ADAM10: variants seen among roughly 807,000 people sequenced by gnomAD.
ADAM10 encodes the protein disintegrin and metalloproteinase domain-containing protein 10.
ADAM10 carries 17 observed loss-of-function variants against 90.1 expected under a neutral mutation model. That is an observed-to-expected ratio of 0.19 (90% CI 0.13 to 0.28). The LOEUF is 0.28. ADAM10 is among the 10% of genes least tolerant of loss of function. The probability of loss-of-function intolerance (pLI) is 1.00; values close to 1 mark genes in which losing one functional copy is unlikely to be tolerated. For synonymous variants in ADAM10, 310 were observed against 298.6 expected (o/e 1.04, Z -0.40); for missense variants, 610 against 914.3 (o/e 0.67, Z 4.29).
intron 14 of ADAM10, among the ~76,000 whole-genome samples, chr15:58,604,957 C>T (rs1231310140): frequency 6.6e-6 from 1 of 152,158 alleles, no homozygotes; most frequent in Admixed American, 6.5e-5. Context: ...CCAGGTTGGT[C>T]TTCAACTGCT....
intron 2 of ADAM10, chr15:58,703,852 G>C (rs556062640): frequency 6.5e-6 from 1 of 152,896 alleles, no homozygotes; most frequent in South Asian, 2.0e-4. Flanking sequence ...CTCCTGTACA[G>C]CCTGCAGAAC....
chr15:58,712,741 G>T (rs1461546009), intron 2 of ADAM10, among the ~76,000 whole-genome samples: 1 of 152,064 alleles, frequency 6.6e-6, no homozygotes, highest in Non-Finnish European at 1.5e-5. Flanking sequence ...CAGGACAATG[G>T]CATGAACCCA....
chr15:58,653,329 T>C (rs1896733698), intron 5 of ADAM10, among the ~76,000 whole-genome samples: 3 of 152,200 alleles, frequency 2.0e-5, no homozygotes, highest in Admixed American at 2.0e-4. Context: ...GTTTTGCCCA[T>C]TCAGTATGAT....
intron 5 of ADAM10, among the ~76,000 whole-genome samples, chr15:58,653,177 CTTCT>C (rs1164045551): frequency 2.6e-5 from 4 of 152,244 alleles, no homozygotes; most frequent in South Asian, 2.1e-4. Flanking sequence ...GATATTTTGA[CTTCT>C]TTGTTTCCAA....
At chr15:58,740,261 T>C (rs1284475430) in intron 1 of ADAM10, among the ~76,000 whole-genome samples, 1 of 151,810 alleles carries the variant, frequency 6.6e-6, no homozygotes, top group African/African-American at 2.4e-5. Context: ...AATACAAAAA[T>C]GAGAAGGGCC....
chr15:58,655,727 A>T (rs1485081765), intron 5 of ADAM10, among the ~76,000 whole-genome samples: 4 of 99,840 alleles, frequency 4.0e-5, no homozygotes, highest in African/African-American at 1.5e-4. Flanking sequence ...ATATATATAT[A>T]TATATATATA....
At chr15:58,734,533 C>G (rs1031575110) in intron 1 of ADAM10, among the ~76,000 whole-genome samples, 1 of 152,002 alleles carries the variant, frequency 6.6e-6, no homozygotes, top group Non-Finnish European at 1.5e-5. Flanking sequence ...AACGCCATCT[C>G]TACAACAAAT....
rs944729335 is a variant in ADAM10, at chr15:58,600,376, T to A, written c.2026-652A>T. 3.9e-5 allele frequency among the ~76,000 whole-genome samples: 6 copies of A among 152,348 alleles called. No homozygotes were observed. The East Asian group carries it at 1.2e-3, about 29-fold the overall frequency. ...CTACATTGCTTTCTAATTATCAAAG[T>A]TAAGACTGAAATTCTATCTCTTTGA... On this transcript the variant is annotated intron_variant, in intron 14 of 15. Coordinates refer to ENST00000260408, the MANE Select transcript of ADAM10 (RefSeq NM_001110.4).
chr15:58,645,303 C>T (rs1194291001), intron 6 of ADAM10, among the ~76,000 whole-genome samples: 1 of 152,154 alleles, frequency 6.6e-6, no homozygotes, highest in Non-Finnish European at 1.5e-5. Flanking sequence ...TACCTTATTA[C>T]TATTATGTTT....
chr15:58,603,753 C>A (rs1005923238), intron 14 of ADAM10, among the ~76,000 whole-genome samples: 3 of 151,484 alleles, frequency 2.0e-5, no homozygotes, highest in African/African-American at 4.9e-5. Context: ...CTTGAGCACA[C>A]GATAAAGTAC....
intron 2 of ADAM10, among the ~76,000 whole-genome samples, chr15:58,683,000 CA>C (rs1897482005): frequency 6.6e-6 from 1 of 152,092 alleles, no homozygotes; most frequent in Non-Finnish European, 1.5e-5. Context: ...GAATTGGAAT[CA>C]AATCTTAAGC....
In ADAM10 at chr15:58,649,754, A is replaced by T. The variant is rs1479954708; in HGVS notation, c.586-3550T>A. 2.6e-5 allele frequency among the ~76,000 whole-genome samples: 4 copies of T among 152,280 alleles called. No homozygotes were observed. In the East Asian group the frequency reaches 7.7e-4, roughly 29 times the overall value. ...TTTCGGACTTCTCAAATAATGTGCT[A>T]TGGTATTGTTTTCAGTGTAAAGCAT... On this transcript the variant is annotated intron_variant, in intron 5 of 15. Coordinates refer to ENST00000260408, the MANE Select transcript of ADAM10 (RefSeq NM_001110.4).
At chr15:58,679,789 G>A (rs1325871539) in intron 3 of ADAM10, among the ~76,000 whole-genome samples, 1 of 152,066 alleles carries the variant, frequency 6.6e-6, no homozygotes, top group East Asian at 1.9e-4. Flanking sequence ...ATGTCTGTAA[G>A]TCCAGCTACT....
At chr15:58,698,221 C>G (rs529043887) in intron 2 of ADAM10, 1 of 411,202 alleles carries the variant, frequency 2.4e-6, no homozygotes, top group Non-Finnish European at 4.7e-6. Flanking sequence ...AAGTGAGGTA[C>G]AATATACAGA....
intron 11 of ADAM10, among the ~76,000 whole-genome samples, chr15:58,615,736 C>T (rs1296425968): frequency 6.6e-6 from 1 of 152,074 alleles, no homozygotes. Flanking sequence ...GGGCCAGGCA[C>T]AGTGGCTCAT....
chr15:58,599,237 GC>G (rs1216185533), intron 15 of ADAM10, among the ~76,000 whole-genome samples: 1 of 150,806 alleles, frequency 6.6e-6, no homozygotes, highest in East Asian at 1.9e-4. Context: ...AATATGAGAA[GC>G]ACAACTATTA....
chr15:58,708,890 G>A (rs1180830382), intron 2 of ADAM10, among the ~76,000 whole-genome samples: 6 of 152,164 alleles, frequency 3.9e-5, no homozygotes, highest in African/African-American at 1.2e-4. Context: ...TCAACCTGCA[G>A]AGGTACAGAA....
rs543386364 is a variant in ADAM10, at chr15:58,692,607, G to A, written c.207-10293C>T. ...GAGGGTGCTTCTTCACTACTTCTTT[G>A]ACCCACCTCTCTTCTAAGTACTCTG... On this transcript the variant is annotated intron_variant, in intron 2 of 15. Coordinates refer to ENST00000260408, the MANE Select transcript of ADAM10 (RefSeq NM_001110.4). The A allele has an allele frequency of 3.9e-5, 22 of 557,682 alleles. No individual in the cohort carries two copies. In the East Asian group the frequency reaches 1.1e-3, roughly 27 times the overall value. 34.5% of individuals were successfully genotyped at this position (557,682 alleles called of 1,614,324 possible).
At chr15:58,660,956 A>G (rs542859327) in intron 5 of ADAM10, among the ~76,000 whole-genome samples, 76 of 152,388 alleles carry the variant, frequency 5.0e-4, no homozygotes, top group Non-Finnish European at 8.8e-4. Flanking sequence ...TACTTACAAA[A>G]GCAAACATCT....
Sources: allele counts gnomAD v4.1 joint callset (sites outside exome capture counted in the v4.1 genomes callset), GRCh38; gene constraint gnomAD v4.1.1; transcripts MANE v1.5; gene names NCBI Gene and HGNC (gene_info 2026-07-23, HGNC 2026-07-21).